RALYL: variants seen among roughly 807,000 people sequenced by gnomAD.
RALYL encodes the protein RALY RNA binding protein like.
A neutral mutation model predicts 35.1 loss-of-function variants in RALYL; 29 were observed. The ratio of observed to expected loss-of-function variants is 0.83; its 90% confidence interval spans 0.61 to 1.13. The LOEUF is 1.13. RALYL is among the 50% of genes most tolerant of loss of function. The pLI is 0.00. For missense variants in RALYL, 359 were observed against 360.4 expected (o/e 1.00, Z 0.03); for synonymous variants, 120 against 127.6 (o/e 0.94, Z 0.40).
chr8:84,380,951 G>A (rs1024531134), intron 1 of RALYL, among the ~76,000 whole-genome samples: 1 of 151,790 alleles, frequency 6.6e-6, no homozygotes, highest in African/African-American at 2.4e-5. Flanking sequence ...GACAGAAGCT[G>A]GGTGGAGGGT....
chr8:84,413,686 T>C (rs1282045076), intron 1 of RALYL, among the ~76,000 whole-genome samples: 2 of 152,104 alleles, frequency 1.3e-5, no homozygotes, highest in Non-Finnish European at 2.9e-5. Flanking sequence ...ACTACTGCCT[T>C]ATGATTCACT....
At chr8:84,713,373 A>G (rs1842493678) in intron 2 of RALYL, among the ~76,000 whole-genome samples, 1 of 152,070 alleles carries the variant, frequency 6.6e-6, no homozygotes, top group Non-Finnish European at 1.5e-5. Context: ...TAGCAATAAA[A>G]TTAATAACTT....
At chr8:84,236,514 A>G (rs1826589791) in intron 1 of RALYL, among the ~76,000 whole-genome samples, 1 of 151,936 alleles carries the variant, frequency 6.6e-6, no homozygotes, top group Non-Finnish European at 1.5e-5. Flanking sequence ...CACCTTTTTT[A>G]TTGTATAATG....
intron 2 of RALYL, among the ~76,000 whole-genome samples, chr8:84,559,595 T>G (rs1216821733): frequency 6.6e-6 from 1 of 152,122 alleles, no homozygotes; most frequent in Non-Finnish European, 1.5e-5. Context: ...ACTATTTTGA[T>G]TCATAATTAG....
chr8:84,445,447 A>G (rs1383097069), intron 1 of RALYL, among the ~76,000 whole-genome samples: 1 of 151,840 alleles, frequency 6.6e-6, no homozygotes, highest in East Asian at 1.9e-4. Context: ...CTCTTTTTTC[A>G]TCGCACACTG....
chr8:84,228,261 G>A lies in RALYL; in HGVS notation c.-24+43837G>A, dbSNP rs201465729. ...TGGAGGAGGGCTATGAAATACAGTC[G>A]CAAGAATAAGCCAAGTTAAATAATT... On this transcript the variant is annotated intron_variant, in intron 1 of 8. Coordinates refer to ENST00000521268, the MANE Select transcript of RALYL (RefSeq NM_173848.7). Among the ~76,000 whole-genome samples the A allele has an allele frequency of 2.1e-4, 32 of 151,810 alleles. No homozygotes were observed. The East Asian group carries it at 5.6e-3, about 27-fold the overall frequency.
At chr8:84,355,016 C>G (rs1373271687) in intron 1 of RALYL, among the ~76,000 whole-genome samples, 1 of 150,352 alleles carries the variant, frequency 6.7e-6, no homozygotes, top group Non-Finnish European at 1.5e-5. Context: ...GATGTAAAAT[C>G]ACAGTAATAA....
In RALYL at chr8:84,571,595, T is replaced by G. The variant is rs571626441; in HGVS notation, c.256+42018T>G. Reference sequence around the variant, plus strand: ...TTCATTGGTCATTTGTATAATTTTTTTGGTCTCAGTCTCATTTAGTTCTCC... The same window carrying G: ...TTCATTGGTCATTTGTATAATTTTTGTGGTCTCAGTCTCATTTAGTTCTCC... On this transcript the variant is annotated intron_variant, in intron 2 of 8. Transcript: ENST00000521268. Among the ~76,000 whole-genome samples the G allele has an allele frequency of 4.6e-5, 7 of 151,928 alleles. No homozygotes were observed. The South Asian group carries it at 1.4e-3, about 31-fold the overall frequency.
chr8:84,919,225 G>A lies in RALYL; in HGVS notation c.859-1669G>A, dbSNP rs114729968. ...CAATGGAGGCCTTAGAGGAAAGAGT[G>A]CAATTGCAATCATATAAATAGCCTT... On this transcript the variant is annotated intron_variant, in intron 8 of 8. Coordinates refer to ENST00000521268, the MANE Select transcript of RALYL (RefSeq NM_173848.7). Among the ~76,000 whole-genome samples the A allele has an allele frequency of 4.4e-3, 663 of 152,088 alleles. 4 individuals are homozygous for A. Among genetic ancestry groups the A allele is most frequent in the African/African-American group, 0.015 (626 of 41,528 alleles).
chr8:84,742,944 T>C (rs1359237997), intron 2 of RALYL, among the ~76,000 whole-genome samples: 1 of 150,684 alleles, frequency 6.6e-6, no homozygotes, highest in Non-Finnish European at 1.5e-5. Flanking sequence ...GATCCTTGAA[T>C]GTGAGATCCT....
Position 84,533,489 on chromosome 8 carries a change from C to T in RALYL, c.256+3912C>T, listed in dbSNP as rs561662261. Among the ~76,000 whole-genome samples, 230 of 152,210 alleles carry T rather than the reference C, an allele frequency of 1.5e-3. 1 individual carries two copies. Among genetic ancestry groups the T allele is most frequent in the Non-Finnish European group, 2.5e-3 (167 of 67,986 alleles). On this transcript the variant is annotated intron_variant, in intron 2 of 8. Transcript: ENST00000521268. ...TGCTATAAATAAACATTTGCAATGT[C>T]TTTCTTTATATTCGGATTATTTTAC...
intron 1 of RALYL, among the ~76,000 whole-genome samples, chr8:84,321,643 TG>T (rs1386452388): frequency 6.6e-6 from 1 of 151,956 alleles, no homozygotes; most frequent in African/African-American, 2.4e-5. Flanking sequence ...TCACCTAAGC[TG>T]GGAGAAGGGA....
chr8:84,615,733 T>C (rs1354733846), intron 2 of RALYL, among the ~76,000 whole-genome samples: 1 of 127,782 alleles, frequency 7.8e-6, no homozygotes, highest in African/African-American at 3.1e-5. Flanking sequence ...CTCCCAATGC[T>C]GTCCCTCCCC....
chr8:84,626,945 A>C (rs991898823), intron 2 of RALYL, among the ~76,000 whole-genome samples: 1 of 152,184 alleles, frequency 6.6e-6, no homozygotes, highest in Non-Finnish European at 1.5e-5. Flanking sequence ...CAGACCAGTC[A>C]ATTAAACCCC....
At chr8:84,389,374 G>C (rs1860059759) in intron 1 of RALYL, among the ~76,000 whole-genome samples, 1 of 151,958 alleles carries the variant, frequency 6.6e-6, no homozygotes, top group Admixed American at 6.6e-5. Context: ...TTCCAATTCT[G>C]TGAAGAAAGT....
chr8:84,846,636 C>A (rs1325931281), intron 4 of RALYL, among the ~76,000 whole-genome samples: 1 of 152,154 alleles, frequency 6.6e-6, no homozygotes, highest in Non-Finnish European at 1.5e-5. Context: ...GTGAATACAT[C>A]TGATCATGAG....
chr8:84,800,190 G>T (rs1471831169), intron 3 of RALYL, among the ~76,000 whole-genome samples: 1 of 152,118 alleles, frequency 6.6e-6, no homozygotes, highest in Non-Finnish European at 1.5e-5. Context: ...GTACCTTGAG[G>T]CACATGTAAA....
intron 2 of RALYL, among the ~76,000 whole-genome samples, chr8:84,571,105 C>CT (rs1434161204): frequency 6.6e-6 from 1 of 151,452 alleles, no homozygotes; most frequent in Non-Finnish European, 1.5e-5. Context: ...ATGTAGTTCT[C>CT]TTTTTTGTCT....
At chr8:84,648,477 A>C (rs1372332697) in intron 2 of RALYL, among the ~76,000 whole-genome samples, 1 of 152,026 alleles carries the variant, frequency 6.6e-6, no homozygotes, top group Non-Finnish European at 1.5e-5. Flanking sequence ...CAAGGCTAGA[A>C]TTAGTTTGCT....
Sources: gnomAD v4.1 joint callset for allele counts (sites outside exome capture counted in the v4.1 genomes callset) on GRCh38, gnomAD v4.1.1 for gene constraint, MANE v1.5 for transcripts, NCBI Gene and HGNC (gene_info 2026-07-23, HGNC 2026-07-21) for gene names.